Variants in ANO6 observed in about 807,000 individuals in gnomAD.
ANO6 encodes anoctamin 6, also known as anoctamin-6.
In ANO6, 106 loss-of-function variants were observed where a neutral mutation model predicts 117.5. That is an observed-to-expected ratio of 0.90 (90% CI 0.77 to 1.06). The LOEUF is 1.06. Among genes scored for constraint, ANO6 ranks in the 50% least tolerant of loss-of-function variants. The probability of loss-of-function intolerance (pLI) is 0.00; values close to 1 mark genes in which losing one functional copy is unlikely to be tolerated. For synonymous variants in ANO6, 367 were observed against 385.1 expected (o/e 0.95, Z 0.55); for missense variants, 955 against 1,121.1 (o/e 0.85, Z 2.12).
At chr12:45,380,180 A>G (rs1297912728) in intron 10 of ANO6, among the ~76,000 whole-genome samples, 1 of 152,226 alleles carries the variant, frequency 6.6e-6, no homozygotes, top group Non-Finnish European at 1.5e-5. Context: ...CCATCCTTTC[A>G]GGACAAGGCA....
intron 1 of ANO6, among the ~76,000 whole-genome samples, chr12:45,262,068 CAAT>C (rs1363143522): frequency 1.3e-5 from 2 of 151,992 alleles, no homozygotes; most frequent in African/African-American, 4.8e-5. Flanking sequence ...TGTCTTTTTC[CAAT>C]TATACATATT....
intron 1 of ANO6, among the ~76,000 whole-genome samples, chr12:45,252,880 T>C (rs752125604): frequency 3.9e-5 from 6 of 152,132 alleles, no homozygotes; most frequent in African/African-American, 9.7e-5. Context: ...TATAATCTTA[T>C]ATTAATCTCT....
intron 1 of ANO6, among the ~76,000 whole-genome samples, chr12:45,259,515 T>C (rs1937949970): frequency 6.6e-6 from 1 of 152,170 alleles, no homozygotes; most frequent in South Asian, 2.1e-4. Context: ...CCAGCTGCAA[T>C]TGGCAGGGAT....
intron 1 of ANO6, among the ~76,000 whole-genome samples, chr12:45,220,442 T>C (rs1592829780): frequency 6.6e-6 from 1 of 152,218 alleles, no homozygotes; most frequent in Non-Finnish European, 1.5e-5. Context: ...TCTTTCCTTA[T>C]TACCTACTTC....
chr12:45,424,118 C>T (rs1016066399), intron 19 of ANO6, among the ~76,000 whole-genome samples: 2 of 151,556 alleles, frequency 1.3e-5, no homozygotes, highest in Non-Finnish European at 2.9e-5. Context: ...GACATATCAG[C>T]AAGAGTCACA....
At position 45,332,701 on chromosome 12, in the gene ANO6, C is replaced by T. The variant is rs145593985; in HGVS notation, c.279+1278C>T. Among the ~76,000 whole-genome samples, 286 of 152,162 alleles carry T rather than the reference C, an allele frequency of 1.9e-3. 2 individuals carry two copies. Among genetic ancestry groups the T allele is most frequent in the Middle Eastern group, 0.014 (4 of 294 alleles). On this transcript the variant is annotated intron_variant, in intron 3 of 19. Transcript: ENST00000320560. ...TTTGGCACATAGTTTGGGGTTGGGC[C>T]TCTGTCCTTTGCAGTTATCAAGAAA... is the stretch of plus-strand genomic sequence containing the variant.
At chr12:45,358,858 C>T (rs1483369699) in intron 8 of ANO6, among the ~76,000 whole-genome samples, 2 of 150,914 alleles carry the variant, frequency 1.3e-5, no homozygotes, top group South Asian at 2.1e-4. Flanking sequence ...CATCTCAGTT[C>T]ACTGCAACTT....
intron 13 of ANO6, among the ~76,000 whole-genome samples, chr12:45,402,640 A>T (rs1942823049): frequency 6.6e-6 from 1 of 152,178 alleles, no homozygotes; most frequent in African/African-American, 2.4e-5. Flanking sequence ...TGTTTTTCCC[A>T]AATGCCTCTA....
intron 8 of ANO6, among the ~76,000 whole-genome samples, chr12:45,358,615 T>G (rs1405273093): frequency 1.3e-5 from 2 of 152,220 alleles, no homozygotes; most frequent in Non-Finnish European, 2.9e-5. Context: ...TTCACACAGA[T>G]TAATTTGCAG....
chr12:45,257,217 G>A (rs998491660), intron 1 of ANO6, among the ~76,000 whole-genome samples: 4 of 152,248 alleles, frequency 2.6e-5, no homozygotes, highest in Admixed American at 2.0e-4. Flanking sequence ...TTTCTTGCAT[G>A]TTTTCTGAGG....
chr12:45,385,257 G>A (rs1565738697), intron 10 of ANO6, among the ~76,000 whole-genome samples: 6 of 129,564 alleles, frequency 4.6e-5, no homozygotes. Context: ...TTGAAGGGCA[G>A]AAGAAGGGTT....
downstream of ANO6, among the ~76,000 whole-genome samples, chr12:45,436,441 C>T (rs1943707507): frequency 6.6e-6 from 1 of 152,118 alleles, no homozygotes. Context: ...CTTCCTAATC[C>T]ATAACAATGG....
intron 16 of ANO6, 24 bp from the exon 17 acceptor site, chr12:45,416,675 G>A: frequency 6.2e-7 from 1 of 1,610,678 alleles, no homozygotes; most frequent in Non-Finnish European, 8.5e-7. Flanking sequence ...ACCACTCCAT[G>A]ATGTGTGTCC....
intron 19 of ANO6, among the ~76,000 whole-genome samples, chr12:45,424,868 A>C (rs985676285): frequency 5.9e-5 from 9 of 152,090 alleles, no homozygotes; most frequent in Non-Finnish European, 1.0e-4. Flanking sequence ...TCTGGAGAAA[A>C]ATGTCCCCAG....
intron 1 of ANO6, among the ~76,000 whole-genome samples, chr12:45,280,161 A>C (rs1938676527): frequency 6.6e-6 from 1 of 152,216 alleles, no homozygotes; most frequent in South Asian, 2.1e-4. Context: ...CCATCAGGAA[A>C]TGTGTCCTTC....
intron 1 of ANO6, chr12:45,270,509 C>A: frequency 7.8e-7 from 1 of 1,276,456 alleles, no homozygotes; most frequent in Non-Finnish European, 1.1e-6. Flanking sequence ...TCATACTCAC[C>A]TCCCATCCAG....
intron 3 of ANO6, 101 bp downstream of exon 3, chr12:45,331,524 A>G: frequency 9.1e-7 from 1 of 1,097,030 alleles, no homozygotes; most frequent in Non-Finnish European, 1.3e-6. Context: ...ATGTTGAAAT[A>G]TCATACACAA....
intron 1 of ANO6, among the ~76,000 whole-genome samples, chr12:45,265,240 ACATCTC>A (rs1938176167): frequency 6.6e-6 from 1 of 152,182 alleles, no homozygotes; most frequent in African/African-American, 2.4e-5. Context: ...ATCATTTCAG[ACATCTC>A]TTCCTCCCGT....
In ANO6 at chr12:45,276,673, G is replaced by T. The variant is rs79367657; in HGVS notation, c.71-25341G>T. Among the ~76,000 whole-genome samples, 1,458 of 152,018 alleles carry T rather than the reference G, an allele frequency of 9.6e-3. 25 individuals carry two copies. The highest frequency in any genetic ancestry group is 0.033 in the African/African-American group (1,373 of 41,442). On this transcript the variant is annotated intron_variant, in intron 1 of 19. Coordinates refer to ENST00000320560, the MANE Select transcript of ANO6 (RefSeq NM_001025356.3). ...CCAAGCAGAGTCAGTTATTTTAAAA[G>T]TACTTATATTTAGTTTTTATTGTGG...
Sources: allele counts gnomAD v4.1 joint callset (sites outside exome capture counted in the v4.1 genomes callset), GRCh38; gene constraint gnomAD v4.1.1; transcripts MANE v1.5; gene names NCBI Gene and HGNC (gene_info 2026-07-23, HGNC 2026-07-21).